Variants in DYNAP observed in about 807,000 individuals in gnomAD.
DYNAP encodes dynactin associated protein, also known as dynactin-associated protein.
In DYNAP, 7 loss-of-function variants were observed where a neutral mutation model predicts 8.5. That is an observed-to-expected ratio of 0.82 (90% CI 0.47 to 1.54). DYNAP has a LOEUF of 1.54. DYNAP is among the 40% of genes most tolerant of loss of function. The pLI is 0.01. For synonymous variants in DYNAP, 77 were observed against 77.9 expected (o/e 0.99, Z 0.06); for missense variants, 256 against 224.3 (o/e 1.14, Z -0.90).
the DYNAP span, among the ~76,000 whole-genome samples, chr18:54,582,477 T>A: frequency 6.6e-5 from 10 of 152,368 alleles, no homozygotes; most frequent in African/African-American, 1.4e-4. Context: ...TCCCCCAGAC[T>A]TACACTTAGT....
intron 1 of DYNAP, 65 bp from the exon 2 acceptor site, chr18:54,594,874 T>C: frequency 6.6e-7 from 1 of 1,509,736 alleles, no homozygotes; most frequent in Non-Finnish European, 8.9e-7. Flanking sequence ...TAGAAGAATT[T>C]TATTTTAGCA....
At chr18:54,576,590 G>T in the DYNAP span, among the ~76,000 whole-genome samples, 1 of 152,026 alleles carries the variant, frequency 6.6e-6, no homozygotes, top group Non-Finnish European at 1.5e-5. Flanking sequence ...CTTGAGCCCA[G>T]GAGTTCGAGA....
chr18:54,587,161 C>T (rs1000486544), upstream of DYNAP, among the ~76,000 whole-genome samples: 1 of 152,114 alleles, frequency 6.6e-6, no homozygotes, highest in Non-Finnish European at 1.5e-5. Flanking sequence ...TTTAAAATGG[C>T]AGTCATGAGA....
At chr18:54,588,082 G>A (rs1249654553), upstream of DYNAP, among the ~76,000 whole-genome samples, 1 of 152,108 alleles carries the variant, frequency 6.6e-6, no homozygotes, top group Admixed American at 6.6e-5. Context: ...CAAAAGTCAA[G>A]CTTTCGATAA....
the DYNAP span, among the ~76,000 whole-genome samples, chr18:54,577,537 C>T: frequency 1.4e-5 from 2 of 146,578 alleles, no homozygotes; most frequent in Admixed American, 1.4e-4. Flanking sequence ...ACCGTGATTG[C>T]ACCACCACAC....
At chr18:54,591,083 C>A, upstream of DYNAP, 3 of 977,362 alleles carry the variant, frequency 3.1e-6, no homozygotes, top group South Asian at 2.5e-5. Context: ...CGTCTTTCTG[C>A]AGTTAACATT....
upstream of DYNAP, among the ~76,000 whole-genome samples, chr18:54,590,949 G>A (rs1342167174): frequency 6.6e-6 from 1 of 152,132 alleles, no homozygotes; most frequent in Admixed American, 6.6e-5. Flanking sequence ...TTTTTCTGGG[G>A]TCGGTCCTAA....
chr18:54,598,301 A>G lies in DYNAP; in HGVS notation c.*156A>G. 2.7e-6 allele frequency: 2 copies of G among 742,274 alleles called. No individual in the cohort carries two copies. The highest frequency in any genetic ancestry group is 2.7e-5 in the East Asian group (1 of 36,700). The allele number at this position is 742,274 out of a possible 1,614,324, so 46.0% of individuals were successfully genotyped here. On this transcript the variant is annotated 3_prime_UTR_variant, in exon 3 of 3. Transcript: ENST00000648945. Reference sequence around the variant, plus strand: ...AACCGTTACAACTTCAACAAAATCAAGTCCTACTTCAACTTAAACTTACTT... The same window carrying G: ...AACCGTTACAACTTCAACAAAATCAGGTCCTACTTCAACTTAAACTTACTT...
chr18:54,594,563 C>T (rs1207211922), intron 1 of DYNAP, among the ~76,000 whole-genome samples: 1 of 152,094 alleles, frequency 6.6e-6, no homozygotes. Context: ...TCAATATTTT[C>T]ATTTCCAAAA....
the DYNAP span, among the ~76,000 whole-genome samples, chr18:54,576,832 CAACAA>C: frequency 3.3e-5 from 5 of 151,512 alleles, no homozygotes; most frequent in African/African-American, 1.2e-4. Context: ...ACAACAACAA[CAACAA>C]CACCAAAAAA....
chr18:54,578,320 G>C, the DYNAP span, among the ~76,000 whole-genome samples: 3 of 152,148 alleles, frequency 2.0e-5, no homozygotes, highest in Non-Finnish European at 2.9e-5. Context: ...AGCTCTTAGG[G>C]GCAGGATTGG....
At position 54,597,867 on chromosome 18, in the gene DYNAP, C is replaced by G; in HGVS notation, c.277C>G (p.Leu93Val). The change falls in exon 3 of 3, where the codon CTC (leucine) becomes GTC (valine). Residue 93 changes from leucine to valine, a missense_variant. By Grantham distance (32) the Leu-to-Val change is conservative. Coordinates refer to ENST00000648945, the MANE Select transcript of DYNAP (RefSeq NM_173629.3). ...TATGTGGAAAGTCTTCCTGGCTTGT[C>G]TCTTAGCCTGTGTGATAATGACAGC... The part of the protein sequence containing the change: ...WSMWKVFLAC[L>V]LACVIMTAIG... 6.2e-7 allele frequency: 1 copy of G among 1,613,510 alleles called. No individual in the cohort carries two copies. The highest frequency in any genetic ancestry group is 2.2e-5 in the East Asian group (1 of 44,856).
At chr18:54,597,772 T>G (rs1911359518) in intron 2 of DYNAP, 41 bp from the exon 3 acceptor site, 12 of 1,549,860 alleles carry the variant, frequency 7.7e-6, no homozygotes, top group African/African-American at 4.1e-5. Context: ...ATTACAAGCA[T>G]TTTTGTTTTT....
chr18:54,597,719 A>G (rs2144893278), intron 2 of DYNAP, 94 bp from the exon 3 acceptor site: 2 of 1,286,088 alleles, frequency 1.6e-6, no homozygotes, highest in East Asian at 2.5e-5. Context: ...GACTCAAATG[A>G]TGTTAACCCA....
chr18:54,577,033 G>C, the DYNAP span, among the ~76,000 whole-genome samples: 1 of 152,110 alleles, frequency 6.6e-6, no homozygotes, highest in African/African-American at 2.4e-5. Flanking sequence ...TATGTTTGTA[G>C]TAGCTAACTT....
At chr18:54,588,962 A>C (rs1357429731), upstream of DYNAP, among the ~76,000 whole-genome samples, 1 of 151,996 alleles carries the variant, frequency 6.6e-6, no homozygotes, top group Non-Finnish European at 1.5e-5. Context: ...TTAGGCTTTG[A>C]AATTCTGTGT....
upstream of DYNAP, among the ~76,000 whole-genome samples, chr18:54,585,523 C>A (rs568013507): frequency 6.0e-4 from 91 of 152,270 alleles, no homozygotes; most frequent in Non-Finnish European, 9.1e-4. Context: ...TTTCTCCTTC[C>A]TTCTCTCTGT....
upstream of DYNAP, among the ~76,000 whole-genome samples, chr18:54,585,390 A>G (rs754668190): frequency 1.3e-5 from 2 of 151,904 alleles, no homozygotes; most frequent in Non-Finnish European, 2.9e-5. Context: ...TGCCTATGTA[A>G]TCTAGTTAAT....
At chr18:54,582,239 T>C in the DYNAP span, among the ~76,000 whole-genome samples, 3 of 151,858 alleles carry the variant, frequency 2.0e-5, no homozygotes, top group Non-Finnish European at 4.4e-5. Context: ...TGAGCGGAGA[T>C]CGCATCACTG....
Sources: gnomAD v4.1 joint callset for allele counts (sites outside exome capture counted in the v4.1 genomes callset) on GRCh38, gnomAD v4.1.1 for gene constraint, MANE v1.5 for transcripts, NCBI Gene and HGNC (gene_info 2026-07-23, HGNC 2026-07-21) for gene names.